The following ANO3 variants were observed in gnomAD, a reference collection of about 807,000 sequenced individuals.
ANO3 encodes anoctamin-3.
Under a neutral mutation model 144.8 loss-of-function variants are expected in ANO3, and 99 were observed. The ratio of observed to expected loss-of-function variants is 0.68; its 90% CI spans 0.58 to 0.81. The LOEUF is 0.81. ANO3 is among the 30% of genes least tolerant of loss of function. The pLI is 0.00. For missense variants in ANO3, 905 were observed against 1,202.2 expected (o/e 0.75, Z 3.66); for synonymous variants, 414 against 392.6 (o/e 1.05, Z -0.64).
upstream of ANO3, among the ~76,000 whole-genome samples, chr11:26,305,262 T>C (rs1854354679): frequency 6.6e-6 from 1 of 151,610 alleles, no homozygotes; most frequent in Non-Finnish European, 1.5e-5. Flanking sequence ...TTCAATCTGG[T>C]TTAGATGTCT....
intron 1 of ANO3, among the ~76,000 whole-genome samples, chr11:26,248,861 G>T (rs1405972653): frequency 1.3e-5 from 2 of 152,150 alleles, no homozygotes; most frequent in Non-Finnish European, 2.9e-5. Context: ...GACCACCTGA[G>T]CTCTGCCTCC....
intron 1 of ANO3, among the ~76,000 whole-genome samples, chr11:26,441,106 G>GTTTTTTTTTTTT (rs1022676698): frequency 3.5e-5 from 3 of 86,552 alleles, no homozygotes; most frequent in East Asian, 3.8e-4. Flanking sequence ...TTGCTGCCCA[G>GTTTTTTTTTTTT]TTTTTTTTTT....
chr11:26,559,696 A>G lies in ANO3; in HGVS notation c.1387-23A>G, dbSNP rs767578428. The G allele has an allele frequency of 3.8e-6, 6 of 1,582,370 alleles. No individual in the cohort carries two copies. The South Asian group carries it at 6.6e-5, about 17-fold the overall frequency. On this transcript the variant is annotated intron_variant, in intron 13 of 26. Transcript: ENST00000256737. ...ATTATAATCAATTTGCATGACTAATATTTCTGTTTGTTTTCTACTCAGGTG... is the reference window on the plus strand; with the variant it reads ...ATTATAATCAATTTGCATGACTAATGTTTCTGTTTGTTTTCTACTCAGGTG...
chr11:26,530,555 T>A (rs1341703412), intron 7 of ANO3, among the ~76,000 whole-genome samples: 1 of 143,796 alleles, frequency 7.0e-6, no homozygotes, highest in Admixed American at 7.0e-5. Context: ...ATTTTGCGCT[T>A]AAAAAAAAAA....
intron 1 of ANO3, among the ~76,000 whole-genome samples, chr11:26,211,592 A>G (rs1851934012): frequency 6.6e-6 from 1 of 152,180 alleles, no homozygotes; most frequent in East Asian, 1.9e-4. Flanking sequence ...GAGAAATAGG[A>G]ATGCTTTTAC....
chr11:26,641,781 T>TCC, intron 21 of ANO3, 115 bp from the exon 22 acceptor site: 1 of 1,127,648 alleles, frequency 8.9e-7, no homozygotes, highest in Non-Finnish European at 1.2e-6. Context: ...TAAAACCAAA[T>TCC]ACCTCCAATT....
In ANO3 at chr11:26,547,517, A is replaced by G. The variant is rs372690488; in HGVS notation, c.1256A>G (p.Tyr419Cys). 1.2e-5 allele frequency: 20 copies of G among 1,611,800 alleles called. No individual in the cohort carries two copies. In the Admixed American group the frequency reaches 1.8e-4, roughly 15 times the overall value. ...ATTGTTGGTTTGTGCGTTTTCTTCT[A>G]TGGATTATTTACAATGAATAATAGT... ...AAIVGLCVFF[Y>C]GLFTMNNSQV... The change falls in exon 12 of 27, where the codon TAT (tyrosine) becomes TGT (cysteine). Residue 419 changes from tyrosine to cysteine, a missense_variant. Around this residue, in one of 4 missense-constraint regions of ANO3, gnomAD observed 597 missense variants for 865.1 expected, o/e 0.69. Transcript: ENST00000256737.
At chr11:26,252,604 T>C (rs1852954791) in intron 1 of ANO3, among the ~76,000 whole-genome samples, 1 of 152,198 alleles carries the variant, frequency 6.6e-6, no homozygotes, top group Non-Finnish European at 1.5e-5. Context: ...TCTCCTCATT[T>C]ATTTTATCCA....
chr11:26,411,084 T>A (rs542813885), intron 1 of ANO3, among the ~76,000 whole-genome samples: 1 of 152,090 alleles, frequency 6.6e-6, no homozygotes, highest in East Asian at 1.9e-4. Context: ...AAAAGAAGCA[T>A]CCATTTGTAA....
intron 1 of ANO3, among the ~76,000 whole-genome samples, chr11:26,440,463 T>G (rs2134021381): frequency 6.6e-6 from 1 of 151,950 alleles, no homozygotes; most frequent in Non-Finnish European, 1.5e-5. Context: ...TGATGGGAAA[T>G]GACCTGGAAC....
chr11:26,648,280 C>G (rs973751950), intron 24 of ANO3, among the ~76,000 whole-genome samples: 1 of 152,114 alleles, frequency 6.6e-6, no homozygotes, highest in Admixed American at 6.5e-5. Context: ...CTTGAAGGAA[C>G]TGTCAGCTCT....
chr11:26,318,188 C>T (rs545828085), intron 1 of ANO3, among the ~76,000 whole-genome samples: 41 of 152,162 alleles, frequency 2.7e-4, no homozygotes, highest in African/African-American at 9.6e-4. Flanking sequence ...CGCAAACCAC[C>T]GCAGCACGTG....
intron 4 of ANO3, among the ~76,000 whole-genome samples, chr11:26,482,464 GTGTGTGTGTA>G (rs1860261288): frequency 1.4e-5 from 2 of 138,310 alleles, no homozygotes; most frequent in Admixed American, 7.5e-5. Flanking sequence ...GTGTGTGTGT[GTGTGTGTGTA>G]TCTTTAAAAA....
At chr11:26,637,434 C>G (rs10767565) in intron 20 of ANO3, among the ~76,000 whole-genome samples, 52,834 of 152,046 alleles carry the variant, frequency 0.35, 9,772 homozygotes, top group South Asian at 0.48. Flanking sequence ...TGGGGACAAG[C>G]CTTTCATTTC....
chr11:26,430,062 G>T (rs1565019811), intron 1 of ANO3, among the ~76,000 whole-genome samples: 2 of 151,908 alleles, frequency 1.3e-5, no homozygotes, highest in Non-Finnish European at 2.9e-5. Flanking sequence ...TGGCCAACAT[G>T]GTGAAACCCA....
At chr11:26,521,208 C>A (rs1206394918) in intron 6 of ANO3, among the ~76,000 whole-genome samples, 4 of 152,048 alleles carry the variant, frequency 2.6e-5, no homozygotes, top group African/African-American at 9.7e-5. Context: ...TATTCAAGAA[C>A]AAATACTGCC....
intron 1 of ANO3, among the ~76,000 whole-genome samples, chr11:26,261,992 T>C (rs1385917244): frequency 6.6e-6 from 1 of 152,158 alleles, no homozygotes; most frequent in African/African-American, 2.4e-5. Context: ...TAACTTTAAG[T>C]AAAATGTTCA....
At chr11:26,300,318 T>C (rs1214398535) in intron 1 of ANO3, among the ~76,000 whole-genome samples, 1 of 152,060 alleles carries the variant, frequency 6.6e-6, no homozygotes. Flanking sequence ...ATCTTTCCTA[T>C]GCAATTTTTG....
chr11:26,452,379 G>A (rs1000051744), intron 3 of ANO3, among the ~76,000 whole-genome samples: 1 of 152,160 alleles, frequency 6.6e-6, no homozygotes, highest in African/African-American at 2.4e-5. Flanking sequence ...ACAGAGAAGT[G>A]CTTAAAGGAG....
Sources: gnomAD v4.1 joint callset for allele counts (sites outside exome capture counted in the v4.1 genomes callset) on GRCh38, gnomAD v4.1.1 for gene constraint, gnomAD v4.1.1 regional missense constraint, MANE v1.5 for transcripts, NCBI Gene and HGNC (gene_info 2026-07-23, HGNC 2026-07-21) for gene names.